ROBO1: variants seen among roughly 807,000 people sequenced by gnomAD.
ROBO1 encodes roundabout homolog 1.
ROBO1 carries 149 observed loss-of-function variants against 195.9 expected under a neutral mutation model. The ratio of observed to expected loss-of-function variants is 0.76; its 90% CI spans 0.67 to 0.87. The LOEUF is 0.87. ROBO1 is among the 40% of genes least tolerant of loss of function. The pLI is 0.00. For synonymous variants in ROBO1, 816 were observed against 733.2 expected (o/e 1.11, Z -1.82); for missense variants, 1,933 against 2,068.3 (o/e 0.93, Z 1.27).
At chr3:79,630,872 A>G (rs1306307916) in intron 1 of ROBO1, among the ~76,000 whole-genome samples, 2 of 147,634 alleles carry the variant, frequency 1.4e-5, no homozygotes, top group Non-Finnish European at 3.0e-5. Context: ...AGTTAATCCC[A>G]TTTACACACA....
intron 3 of ROBO1, among the ~76,000 whole-genome samples, chr3:79,066,157 T>G (rs1379865565): frequency 1.3e-5 from 2 of 151,848 alleles, no homozygotes; most frequent in Non-Finnish European, 2.9e-5. Context: ...CTAAAAGACG[T>G]TAAGTTTTTA....
At chr3:78,640,282 T>C (rs1417863556) in intron 21 of ROBO1, among the ~76,000 whole-genome samples, 1 of 152,184 alleles carries the variant, frequency 6.6e-6, no homozygotes, top group Non-Finnish European at 1.5e-5. Flanking sequence ...TTTTGACCCA[T>C]TAAAAAATTG....
chr3:78,888,192 G>A (rs1003339690), intron 4 of ROBO1, among the ~76,000 whole-genome samples: 8 of 152,156 alleles, frequency 5.3e-5, no homozygotes, highest in African/African-American at 1.9e-4. Flanking sequence ...AAAAGTTTCC[G>A]ACAAAGTCAA....
chr3:78,711,402 T>C (rs200723187), intron 8 of ROBO1, among the ~76,000 whole-genome samples: 5,527 of 57,380 alleles, frequency 0.096, 161 homozygotes, highest in African/African-American at 0.2. Context: ...TTCCTTCCTT[T>C]CTTTCTTTCT....
In ROBO1 at chr3:79,616,969, G is replaced by A. The variant is rs377588523; in HGVS notation, c.-50-27008C>T. On this transcript the variant is annotated intron_variant, in intron 1 of 30. Coordinates refer to ENST00000464233, the MANE Select transcript of ROBO1 (RefSeq NM_002941.4). ...GAGGATCCACCCCAAGGCCATTTTG[G>A]TGGTAGCTGCAGTTCAAGCATTTTC... Among the ~76,000 whole-genome samples, 55 of 152,288 alleles carry A rather than the reference G, an allele frequency of 3.6e-4. No homozygotes were observed. In the South Asian group the frequency reaches 9.5e-3, roughly 26 times the overall value.
chr3:79,265,296 AT>A (rs201760995), intron 2 of ROBO1, among the ~76,000 whole-genome samples: 66 of 146,580 alleles, frequency 4.5e-4, no homozygotes, highest in Admixed American at 6.8e-4. Context: ...GGAAAAGCAG[AT>A]TTTTTTTTTT....
At chr3:79,323,186 A>T (rs1036073709) in intron 2 of ROBO1, among the ~76,000 whole-genome samples, 2 of 151,232 alleles carry the variant, frequency 1.3e-5, no homozygotes. Flanking sequence ...GGTTCAAGCT[A>T]TTCTTCTGCC....
chr3:78,597,798 A>G lies in ROBO1; in HGVS notation c.*1115T>C, dbSNP rs1295117841. 6.6e-6 allele frequency: 1 copy of G among 152,578 alleles called. No individual in the cohort carries two copies. Among genetic ancestry groups the G allele is most frequent in the Non-Finnish European group, 1.5e-5 (1 of 68,012 alleles). The allele number at this position is 152,578 out of a possible 1,614,324, so 9.5% of individuals were successfully genotyped here. A position where few individuals can be genotyped will look rare whatever the true frequency, so the allele number is the denominator to read the frequency against. On this transcript the variant is annotated 3_prime_UTR_variant, in exon 31 of 31. Coordinates refer to ENST00000464233, the MANE Select transcript of ROBO1 (RefSeq NM_002941.4). ...AATAAAGTATGCATGTTACTTCACC[A>G]TCTGTCATTATTCAAATATTCCAAA... is the stretch of plus-strand genomic sequence containing the variant.
At chr3:79,029,262 C>T (rs1012663948) in intron 3 of ROBO1, among the ~76,000 whole-genome samples, 1 of 151,888 alleles carries the variant, frequency 6.6e-6, no homozygotes, top group African/African-American at 2.4e-5. Flanking sequence ...TCCCCTTTTT[C>T]CTAGTGAAAA....
intron 1 of ROBO1, among the ~76,000 whole-genome samples, chr3:79,724,316 C>T (rs901547014): frequency 1.2e-4 from 18 of 152,158 alleles, no homozygotes; most frequent in Admixed American, 1.2e-3. Flanking sequence ...TCACTTTAAG[C>T]ATATTGATTA....
chr3:79,713,492 G>A (rs1337714520), intron 1 of ROBO1, among the ~76,000 whole-genome samples: 3 of 152,110 alleles, frequency 2.0e-5, no homozygotes, highest in East Asian at 3.9e-4. Flanking sequence ...TTACTTAGAA[G>A]AGTTTAAGCC....
At chr3:78,649,294 A>C (rs1363715940) in intron 19 of ROBO1, among the ~76,000 whole-genome samples, 1 of 152,108 alleles carries the variant, frequency 6.6e-6, no homozygotes, top group Non-Finnish European at 1.5e-5. Context: ...TGAAGAAGAG[A>C]TGAAAAGGAG....
At chr3:79,752,937 G>A (rs181222394) in intron 1 of ROBO1, among the ~76,000 whole-genome samples, 244 of 152,270 alleles carry the variant, frequency 1.6e-3, no homozygotes, top group Middle Eastern at 0.014. Flanking sequence ...GGAGGCAGTA[G>A]GGAGTGGGGA....
intron 2 of ROBO1, among the ~76,000 whole-genome samples, chr3:79,126,346 A>G (rs2080214895): frequency 6.6e-6 from 1 of 152,164 alleles, no homozygotes; most frequent in Non-Finnish European, 1.5e-5. Flanking sequence ...ATTGCACATT[A>G]ATTTTCCCAC....
chr3:78,642,153 T>G (rs1706005340), intron 21 of ROBO1, among the ~76,000 whole-genome samples: 1 of 152,154 alleles, frequency 6.6e-6, no homozygotes, highest in Non-Finnish European at 1.5e-5. Flanking sequence ...GATTAACATG[T>G]TTCTTAAATA....
At chr3:79,100,667 T>G (rs2108509557) in intron 3 of ROBO1, among the ~76,000 whole-genome samples, 1 of 151,970 alleles carries the variant, frequency 6.6e-6, no homozygotes, top group South Asian at 2.1e-4. Context: ...AAGTTTCCAC[T>G]AAGTCTTCAA....
intron 4 of ROBO1, among the ~76,000 whole-genome samples, chr3:78,846,902 T>C (rs1054095714): frequency 8.5e-5 from 13 of 152,148 alleles, no homozygotes; most frequent in Non-Finnish European, 1.8e-4. Flanking sequence ...AGCCTCAGAC[T>C]AGCAGCTGAG....
chr3:79,408,419 C>T (rs1043655975), intron 2 of ROBO1, among the ~76,000 whole-genome samples: 1 of 151,682 alleles, frequency 6.6e-6, no homozygotes, highest in South Asian at 2.1e-4. Context: ...AGAATTTTTA[C>T]TAGAGTTGGG....
chr3:78,906,213 G>A (rs370138614), intron 4 of ROBO1, among the ~76,000 whole-genome samples: 11 of 151,918 alleles, frequency 7.2e-5, no homozygotes, highest in African/African-American at 2.7e-4. Context: ...TAATTCACAC[G>A]GAATCGTGTG....
Sources: gnomAD v4.1 joint callset for allele counts (sites outside exome capture counted in the v4.1 genomes callset) on GRCh38, gnomAD v4.1.1 for gene constraint, MANE v1.5 for transcripts, NCBI Gene and HGNC (gene_info 2026-07-23, HGNC 2026-07-21) for gene names.